CPLX1: variants seen among roughly 807,000 people sequenced by gnomAD.
CPLX1 encodes complexin-1.
Under a neutral mutation model 15.6 loss-of-function variants are expected in CPLX1, and 6 were observed. That is an observed-to-expected ratio of 0.39 (90% CI 0.21 to 0.76). The LOEUF is 0.76. CPLX1 is among the 30% of genes least tolerant of loss of function. The probability of loss-of-function intolerance (pLI) is 0.43; values close to 1 mark genes in which losing one functional copy is unlikely to be tolerated. For synonymous variants in CPLX1, 91 were observed against 75.2 expected (o/e 1.21, Z -1.08); for missense variants, 242 against 188.6 (o/e 1.28, Z -1.66).
Position 814,068 on chromosome 4 carries a change from A to G in CPLX1, c.31+10424T>C, listed in dbSNP as rs369916056. ...ACCCAAGCCGGCGGCCAGACATGTG[A>G]ACTCAGAGGCCTCTCTCCCGTCCAG... On this transcript the variant is annotated intron_variant, in intron 2 of 3. Coordinates refer to ENST00000304062, the MANE Select transcript of CPLX1 (RefSeq NM_006651.4). Among the ~76,000 whole-genome samples, 3 of 152,324 alleles carry G rather than the reference A, an allele frequency of 2.0e-5. No individual in the cohort carries two copies. In the South Asian group the frequency reaches 6.2e-4, roughly 32 times the overall value.
chr4:811,325 T>G (rs1331352617), intron 2 of CPLX1, among the ~76,000 whole-genome samples: 5 of 152,110 alleles, frequency 3.3e-5, no homozygotes, highest in Non-Finnish European at 7.4e-5. Context: ...TTTTTATTTT[T>G]CATAGAGATG....
intron 2 of CPLX1, among the ~76,000 whole-genome samples, chr4:806,543 C>A (rs1228906158): frequency 1.3e-5 from 2 of 152,090 alleles, no homozygotes; most frequent in Admixed American, 1.3e-4. Flanking sequence ...CAAAAATTGA[C>A]AAGTGGGAGC....
chr4:794,440 G>A (rs528547693), intron 2 of CPLX1, among the ~76,000 whole-genome samples: 2 of 152,312 alleles, frequency 1.3e-5, no homozygotes, highest in Non-Finnish European at 2.9e-5. Flanking sequence ...AGAGGCTTGT[G>A]GTCAGTTTTC....
Position 824,482 on chromosome 4 carries a change from C to A in CPLX1, c.31+10G>T. 1.2e-6 allele frequency: 2 copies of A among 1,612,384 alleles called. No individual in the cohort carries two copies. Among genetic ancestry groups the A allele is most frequent in the Non-Finnish European group, 1.7e-6 (2 of 1,179,350 alleles). On this transcript the variant is annotated intron_variant, in intron 2 of 3. Coordinates refer to ENST00000304062, the MANE Select transcript of CPLX1 (RefSeq NM_006651.4). ...CTCAGCCCCTCCCCACCCCACCTCC[C>A]GCTTCCTACCTCCTAGAGCCTGCTT...
In CPLX1 at chr4:824,514, A is replaced by C. The variant is rs1175817264; in HGVS notation, c.9T>G (p.Phe3Leu). 1.2e-6 allele frequency: 2 copies of C among 1,612,590 alleles called. No individual in the cohort carries two copies. The highest frequency in any genetic ancestry group is 1.7e-6 in the Non-Finnish European group (2 of 1,179,746). The change falls in exon 2 of 4, where the codon TTT becomes TTG. Residue 3 changes from phenylalanine (F) to leucine (L), a missense_variant. Physicochemically the swap from Phe to Leu is conservative, Grantham distance 22. Transcript: ENST00000304062. ...TACCTCCTAGAGCCTGCTTCATCAC[A>C]AACTCCATGGCGATTGCTCTGCTTC... ME[F>L]VMKQALGGAT...
At chr4:815,758 C>G (rs747879697) in intron 2 of CPLX1, among the ~76,000 whole-genome samples, 12 of 152,194 alleles carry the variant, frequency 7.9e-5, no homozygotes, top group East Asian at 1.9e-4. Context: ...GGAGAAGCAC[C>G]GTGAGAGGCT....
chr4:816,808 C>T (rs963265896), intron 2 of CPLX1, among the ~76,000 whole-genome samples: 4 of 151,942 alleles, frequency 2.6e-5, no homozygotes, highest in Non-Finnish European at 4.4e-5. Flanking sequence ...GGCGACAGAG[C>T]GAGACCCTGT....
At chr4:804,070 G>A (rs1294273605) in intron 2 of CPLX1, among the ~76,000 whole-genome samples, 3 of 152,234 alleles carry the variant, frequency 2.0e-5, no homozygotes. Flanking sequence ...TGCAGCCGGG[G>A]AACAATGGTT....
At chr4:807,021 A>G (rs1746566577) in intron 2 of CPLX1, among the ~76,000 whole-genome samples, 1 of 152,236 alleles carries the variant, frequency 6.6e-6, no homozygotes, top group Non-Finnish European at 1.5e-5. Context: ...AGATATATGT[A>G]CGTGTATGTT....
chr4:799,797 A>C (rs533208953), intron 2 of CPLX1, among the ~76,000 whole-genome samples: 2 of 152,316 alleles, frequency 1.3e-5, no homozygotes, highest in East Asian at 3.9e-4. Flanking sequence ...CAGGAGGCAG[A>C]GGTTGCAGTG....
At chr4:795,891 G>A (rs894325919) in intron 2 of CPLX1, among the ~76,000 whole-genome samples, 2 of 152,164 alleles carry the variant, frequency 1.3e-5, no homozygotes, top group African/African-American at 4.8e-5. Flanking sequence ...GTAGCAGAAG[G>A]GGCAGAAGCA....
intron 2 of CPLX1, among the ~76,000 whole-genome samples, chr4:798,144 G>A (rs573709418): frequency 1.3e-5 from 2 of 151,982 alleles, no homozygotes; most frequent in African/African-American, 2.4e-5. Context: ...GTGTGGTGGC[G>A]TGTGCCTGTA....
intron 2 of CPLX1, among the ~76,000 whole-genome samples, chr4:822,228 G>GTC (rs771190413): frequency 3.4e-5 from 5 of 147,336 alleles, no homozygotes; most frequent in African/African-American, 5.1e-5. Flanking sequence ...AACTCTCTCT[G>GTC]TCTCTCTCTC....
intron 2 of CPLX1, among the ~76,000 whole-genome samples, chr4:802,560 CA>C (rs1354354998): frequency 6.6e-6 from 1 of 152,176 alleles, no homozygotes; most frequent in African/African-American, 2.4e-5. Context: ...ATACTAAAAA[CA>C]TGACCAAATC....
At chr4:787,550 C>G (rs562909927) in intron 3 of CPLX1, 2 of 661,192 alleles carry the variant, frequency 3.0e-6, no homozygotes, top group East Asian at 1.4e-4. Context: ...ACAGAAAGGA[C>G]AGACACCCGG....
At chr4:825,217 T>TG (rs542319063) in intron 1 of CPLX1, among the ~76,000 whole-genome samples, 3 of 150,710 alleles carry the variant, frequency 2.0e-5, no homozygotes, top group Non-Finnish European at 4.4e-5. Flanking sequence ...GGGGCGTGCA[T>TG]GGGGTGGGGT....
At position 824,605 on chromosome 4, in the gene CPLX1, G is replaced by T; in HGVS notation, c.-79-4C>A. On this transcript the variant is annotated splice_polypyrimidine_tract_variant and splice_region_variant and intron_variant, in intron 1 of 3. Coordinates refer to ENST00000304062, the MANE Select transcript of CPLX1 (RefSeq NM_006651.4). Reference sequence around the variant, plus strand: ...TGGCCGGGAGCGAGTGTTCTTCCTGGGGGAGAGTGAAGTGGTCACAGGTCA... The same window carrying T: ...TGGCCGGGAGCGAGTGTTCTTCCTGTGGGAGAGTGAAGTGGTCACAGGTCA... 6.7e-7 allele frequency: 1 copy of T among 1,490,596 alleles called. No homozygotes were observed. The allele number at this position is 1,490,596 out of a possible 1,614,324, so 92.3% of individuals were successfully genotyped here.
At chr4:806,005 G>C (rs1746550142) in intron 2 of CPLX1, among the ~76,000 whole-genome samples, 1 of 152,146 alleles carries the variant, frequency 6.6e-6, no homozygotes, top group Non-Finnish European at 1.5e-5. Flanking sequence ...TGGAAATGAT[G>C]AAAAGTTCTG....
intron 2 of CPLX1, chr4:804,942 G>A (rs1427986009): frequency 1.0e-6 from 1 of 985,482 alleles, no homozygotes; most frequent in Non-Finnish European, 1.2e-6. Context: ...CACGTGCGGA[G>A]TTCACCCGGC....
Sources: gnomAD v4.1 joint callset for allele counts (sites outside exome capture counted in the v4.1 genomes callset) on GRCh38, gnomAD v4.1.1 for gene constraint, MANE v1.5 for transcripts, NCBI Gene and HGNC (gene_info 2026-07-23, HGNC 2026-07-21) for gene names.